Variants in ARHGAP39 observed in about 807,000 individuals in gnomAD.
ARHGAP39 encodes the protein Rho GTPase activating protein 39, also known as rho GTPase-activating protein 39.
ARHGAP39 carries 44 observed loss-of-function variants against 106.9 expected under a neutral mutation model. The ratio of observed to expected loss-of-function variants is 0.41; its 90% CI spans 0.32 to 0.53. The LOEUF (loss-of-function observed/expected upper bound fraction) is 0.53. Ranked by LOEUF, ARHGAP39 falls within the 20% of genes least tolerant of loss-of-function variation. ARHGAP39 has a pLI of 0.21. For synonymous variants in ARHGAP39, 768 were observed against 693.2 expected (o/e 1.11, Z -1.69); for missense variants, 1,496 against 1,577.3 (o/e 0.95, Z 0.87).
chr8:144,567,746 C>A (rs1036163937), intron 3 of ARHGAP39, among the ~76,000 whole-genome samples: 1 of 152,098 alleles, frequency 6.6e-6, no homozygotes, highest in Non-Finnish European at 1.5e-5. Flanking sequence ...TAAGTTGTTT[C>A]TCTCTCTCTC....
chr8:144,533,968 G>A (rs570500644), intron 8 of ARHGAP39, among the ~76,000 whole-genome samples, 161 bp downstream of exon 8: 6 of 152,182 alleles, frequency 3.9e-5, no homozygotes, highest in Admixed American at 6.5e-5. Context: ...AGAAGAACAC[G>A]GGGTCAGCCT....
upstream of ARHGAP39, among the ~76,000 whole-genome samples, chr8:144,687,031 G>A (rs1201900207): frequency 6.9e-4 from 69 of 99,510 alleles, no homozygotes; most frequent in African/African-American, 9.5e-4. Context: ...ACCACGCACT[G>A]GCGGCGAGCA....
intron 1 of ARHGAP39, among the ~76,000 whole-genome samples, chr8:144,654,077 T>C (rs1412498214): frequency 6.6e-6 from 1 of 152,078 alleles, no homozygotes; most frequent in Non-Finnish European, 1.5e-5. Flanking sequence ...TTATCCAAAC[T>C]AAAGCCCAGT....
At chr8:144,663,087 C>T (rs1821875797) in intron 1 of ARHGAP39, among the ~76,000 whole-genome samples, 1 of 132,822 alleles carries the variant, frequency 7.5e-6, no homozygotes, top group African/African-American at 2.8e-5. Flanking sequence ...TCTTGGACTG[C>T]TCCCTCCTCC....
intron 4 of ARHGAP39, 140 bp downstream of exon 4, chr8:144,555,420 C>G: frequency 1.3e-6 from 1 of 761,404 alleles, no homozygotes; most frequent in Non-Finnish European, 2.3e-6. Flanking sequence ...GCCCCTGGCC[C>G]TGTGGCCTCC....
intron 1 of ARHGAP39, among the ~76,000 whole-genome samples, chr8:144,661,022 T>C (rs1289268022): frequency 6.6e-6 from 1 of 151,204 alleles, no homozygotes; most frequent in Non-Finnish European, 1.5e-5. Context: ...GACTCTGTAG[T>C]CCCAGCTGCT....
chr8:144,580,784 T>A, intron 3 of ARHGAP39, 62 bp downstream of exon 3: 29 of 59,120 alleles, frequency 4.9e-4, no homozygotes, highest in African/African-American at 3.7e-3. Flanking sequence ...CCTACCTGCC[T>A]CACCTGGCCC....
At chr8:144,667,994 G>C (rs1008827076) in intron 1 of ARHGAP39, among the ~76,000 whole-genome samples, 6 of 151,340 alleles carry the variant, frequency 4.0e-5, no homozygotes, top group African/African-American at 1.5e-4. Context: ...ATGCCAGTAT[G>C]TGCTTCATGG....
At chr8:144,581,402 A>C in intron 2 of ARHGAP39, 125 bp from the exon 3 acceptor site, 1 of 1,115,730 alleles carries the variant, frequency 9.0e-7, no homozygotes, top group Non-Finnish European at 1.3e-6. Context: ...AGGAAAGCAA[A>C]CCCAAGCCCA....
intron 2 of ARHGAP39, among the ~76,000 whole-genome samples, chr8:144,602,286 C>CGT (rs150246043): frequency 0.086 from 6,457 of 74,860 alleles, 893 homozygotes; most frequent in African/African-American, 0.3. Flanking sequence ...TGCGTGGAGG[C>CGT]GTGTGTGCTC....
chr8:144,653,019 C>T (rs976894263), intron 1 of ARHGAP39, among the ~76,000 whole-genome samples: 14 of 152,228 alleles, frequency 9.2e-5, no homozygotes, highest in Admixed American at 3.3e-4. Flanking sequence ...AATATGAGGC[C>T]GGGCGCAGTG....
intron 4 of ARHGAP39, among the ~76,000 whole-genome samples, chr8:144,554,579 C>T (rs1356119094): frequency 6.6e-6 from 1 of 152,152 alleles, no homozygotes; most frequent in Non-Finnish European, 1.5e-5. Flanking sequence ...CACAGGAAGC[C>T]CCAAGGCTGG....
chr8:144,693,158 G>A, the ARHGAP39 span, among the ~76,000 whole-genome samples: 2 of 143,644 alleles, frequency 1.4e-5, no homozygotes, highest in African/African-American at 2.6e-5. Context: ...TCCGCCTCCC[G>A]GGTTCAAGCG....
intron 6 of ARHGAP39, among the ~76,000 whole-genome samples, chr8:144,543,484 G>A (rs1286092669): frequency 6.6e-6 from 1 of 152,218 alleles, no homozygotes; most frequent in Non-Finnish European, 1.5e-5. Context: ...TTCTGGCTGT[G>A]AGGGTGGCCA....
At chr8:144,549,181 G>A (rs886934223) in intron 4 of ARHGAP39, among the ~76,000 whole-genome samples, 2 of 152,242 alleles carry the variant, frequency 1.3e-5, no homozygotes. Context: ...GCAGCACTGC[G>A]GGGCAGATAT....
chr8:144,642,247 A>G (rs1821330585), intron 1 of ARHGAP39, among the ~76,000 whole-genome samples: 1 of 152,188 alleles, frequency 6.6e-6, no homozygotes, highest in Non-Finnish European at 1.5e-5. Context: ...GCAATTTGGG[A>G]GGCAGAGGTG....
chr8:144,640,063 C>T (rs183613943), intron 1 of ARHGAP39, among the ~76,000 whole-genome samples: 4 of 152,214 alleles, frequency 2.6e-5, no homozygotes, highest in African/African-American at 9.6e-5. Context: ...ATATTACAGG[C>T]GACATGCAGA....
chr8:144,616,042 A>G (rs997985967), intron 1 of ARHGAP39, among the ~76,000 whole-genome samples: 2 of 152,236 alleles, frequency 1.3e-5, no homozygotes, highest in African/African-American at 4.8e-5. Flanking sequence ...GGCACACCCC[A>G]CACGGAAAGG....
intron 2 of ARHGAP39, among the ~76,000 whole-genome samples, chr8:144,602,924 C>G (rs1403784002): frequency 5.4e-5 from 4 of 74,454 alleles, no homozygotes; most frequent in Admixed American, 3.5e-4. Flanking sequence ...TGCGTGGAGG[C>G]GTGTGTGTGC....
Sources: allele counts gnomAD v4.1 joint callset (sites outside exome capture counted in the v4.1 genomes callset), GRCh38; gene constraint gnomAD v4.1.1; transcripts MANE v1.5; gene names NCBI Gene and HGNC (gene_info 2026-07-23, HGNC 2026-07-21).